Variants in IRS4 observed in about 807,000 individuals in gnomAD.
IRS4 encodes 160 kDa phosphotyrosine protein.
A neutral mutation model predicts 48.6 loss-of-function variants in IRS4; 15 were observed. The observed-to-expected ratio is 0.31, with a 90% CI of 0.21 to 0.48. The LOEUF is 0.48. IRS4 is among the 20% of genes least tolerant of loss of function. The probability of loss-of-function intolerance (pLI) is 0.99; values close to 1 mark genes in which losing one functional copy is unlikely to be tolerated. For synonymous variants in IRS4, 459 were observed against 413.2 expected (o/e 1.11, Z -1.34); for missense variants, 987 against 1,023.4 (o/e 0.96, Z 0.49).
chrX:108,733,353 G>A lies in IRS4; in HGVS notation c.2992C>T (p.Pro998Ser), dbSNP rs771069464. Residue 998 changes from proline to serine, a missense_variant, in exon 1 of 2, where the codon CCT becomes TCT. Pro to Ser is a moderately conservative substitution (Grantham distance 74). Around this residue, in one of 4 missense-constraint regions of IRS4, gnomAD observed 720 missense variants for 660.3 expected, o/e 1.09. Transcript: ENST00000372129. ...CCTGTAGCACTGAGGGGAAGGGGAG[G>A]AAGTGGCCACCTAGCACTGTCCAGA... Reference protein sequence around the residue: ...LSLDSARWPLPPLPLSATGSN... With the variant: ...LSLDSARWPLSPLPLSATGSN... The A allele has an allele frequency of 1.2e-5, 15 of 1,211,942 alleles. No individual in the cohort carries two copies. In the Admixed American group the frequency reaches 3.3e-4, roughly 26 times the overall value.
In IRS4 at chrX:108,736,522, G is replaced by T; in HGVS notation, c.-178C>A. On this transcript the variant is annotated 5_prime_UTR_variant, in exon 1 of 2. In the 5' UTR this introduces an upstream ATG that the reference lacks. Coordinates refer to ENST00000372129, the MANE Select transcript of IRS4 (RefSeq NM_001379150.1). ...GCGGGCAAAACAACACGTGACCACA[G>T]CCTCACGCGGCGGCCGCTGCGGATC... 1.3e-6 allele frequency: 1 copy of T among 775,853 alleles called. No individual in the cohort carries two copies. The highest frequency in any genetic ancestry group is 1.8e-6 in the Non-Finnish European group (1 of 543,704). The allele number at this position is 775,853 out of a possible 1,213,427, so 63.9% of individuals were successfully genotyped here.
rs2068947526 is a variant in IRS4 at position 108,735,851 on chromosome X, C to T, written c.494G>A (p.Arg165Gln). 8.3e-7 allele frequency: 1 copy of T among 1,209,078 alleles called. No individual in the cohort carries two copies. The highest frequency in any genetic ancestry group is 1.7e-5 in the African/African-American group (1 of 57,361). Residue 165 changes from arginine (R) to glutamine (Q), a missense_variant, in exon 1 of 2, where the codon CGA becomes CAA. By Grantham distance (43) the Arg-to-Gln change is conservative (BLOSUM62 1). Coordinates refer to ENST00000372129, the MANE Select transcript of IRS4 (RefSeq NM_001379150.1). ...TTGGGTGAAAAGAGCAATGAGGTGT[C>T]GGTACCTTGCATCTGCTCGCTGGCT... is the stretch of plus-strand genomic sequence containing the variant. ...SVSQRADARYRHLIALFTQDE... is the reference protein window; with the variant it reads ...SVSQRADARYQHLIALFTQDE...
chrX:108,734,575 C>T lies in IRS4; in HGVS notation c.1770G>A (p.Gly590=), dbSNP rs752272461. The change falls in exon 1 of 2, where the codon GGG becomes GGA. Residue 590 remains glycine (G), a synonymous_variant. Coordinates refer to ENST00000372129, the MANE Select transcript of IRS4 (RefSeq NM_001379150.1). ...CTTTCCCACTTCCTGAGCCTTTGCC[C>T]CCCCCAGAGTTCTTGCCACCACCTG... ...HGSGGGKNSG[G]GKGSGSGKGS... The T allele has an allele frequency of 1.5e-5, 18 of 1,211,743 alleles. No homozygotes were observed. The South Asian group carries it at 1.6e-4, about 11-fold the overall frequency.
In IRS4 at chrX:108,733,380, A is replaced by G; in HGVS notation, c.2965T>C (p.Ser989Pro). The G allele has an allele frequency of 8.3e-7, 1 of 1,211,813 alleles. No homozygotes were observed. The highest frequency in any genetic ancestry group is 1.1e-6 in the Non-Finnish European group (1 of 895,569). The change falls in exon 1 of 2, where the codon TCT (serine) becomes CCT (proline). Residue 989 changes from serine to proline, a missense_variant. By Grantham distance (74) the Ser-to-Pro change is moderately conservative. Transcript: ENST00000372129. Reference protein sequence around the residue: ...LRAIPRANPLSLDSARWPLPP... With the variant: ...LRAIPRANPLPLDSARWPLPP... ...AGTGGCCACCTAGCACTGTCCAGAG[A>G]TAAGGGGTTGGCACGTGGTATAGCT... is the stretch of plus-strand genomic sequence containing the variant.
rs2068858319 is a variant in IRS4, at chrX:108,722,181, T to A, written c.*338A>T. On this transcript the variant is annotated 3_prime_UTR_variant, in exon 2 of 2. Transcript: ENST00000372129. ...AAATTTATATGTATTCTAAGTTACTTTTTTTTAAAGAGGGAAAGAGTTATG... is the reference window on the plus strand; with the variant it reads ...AAATTTATATGTATTCTAAGTTACTATTTTTTAAAGAGGGAAAGAGTTATG... 1 of 112,470 alleles carries A rather than the reference T, an allele frequency of 8.9e-6. No homozygotes were observed. The highest frequency in any genetic ancestry group is 1.9e-5 in the Non-Finnish European group (1 of 53,453). The allele number at this position is 112,470 out of a possible 1,213,427, so 9.3% of individuals were successfully genotyped here. A position where few individuals can be genotyped will look rare whatever the true frequency, so the allele number is the denominator to read the frequency against.
At chrX:108,731,060 T>A (rs920434518) in intron 1 of IRS4, among the ~76,000 whole-genome samples, 4 of 111,144 alleles carry the variant, frequency 3.6e-5, no homozygotes, top group African/African-American at 1.3e-4. Flanking sequence ...TATGTGTGTG[T>A]GTTGGGGAGG....
intron 1 of IRS4, chrX:108,726,843 G>A (rs369634420): frequency 8.9e-6 from 1 of 112,341 alleles, no homozygotes; most frequent in East Asian, 2.8e-4. Flanking sequence ...CGGCCCAGCT[G>A]CTTCTGTGCC....
Position 108,722,129 on chromosome X carries a change from T to C in IRS4, c.*390A>G, listed in dbSNP as rs1321265559. ...CAACTTCAAAATTGAATCTAAATAT[T>C]TTACATTATTAAAATTGGCATTGAC... is the stretch of plus-strand genomic sequence containing the variant. On this transcript the variant is annotated 3_prime_UTR_variant, in exon 2 of 2. Coordinates refer to ENST00000372129, the MANE Select transcript of IRS4 (RefSeq NM_001379150.1). 1 of 112,390 alleles carries C rather than the reference T, an allele frequency of 8.9e-6. No homozygotes were observed. 9.3% of individuals were successfully genotyped at this position (112,390 alleles called of 1,213,427 possible). A position where few individuals can be genotyped will look rare whatever the true frequency, so the allele number is the denominator to read the frequency against.
At position 108,733,905 on chromosome X, in the gene IRS4, G is replaced by T. The variant is rs1367359417; in HGVS notation, c.2440C>A (p.Pro814Thr). Residue 814 changes from proline to threonine, a missense_variant, in exon 1 of 2, where the codon CCT becomes ACT. By Grantham distance (38) the Pro-to-Thr change is conservative. Coordinates refer to ENST00000372129, the MANE Select transcript of IRS4 (RefSeq NM_001379150.1). ...TGTCCCAAAGGTGAGCTCCGAAAAG[G>T]GTTTGGTAGAGAGAAGTAGGAGCTC... is the stretch of plus-strand genomic sequence containing the variant. ...SWSSYFSLPN[P>T]FRSSPLGQND... 8.3e-7 allele frequency: 1 copy of T among 1,211,719 alleles called. No homozygotes were observed. The highest frequency in any genetic ancestry group is 1.8e-5 in the South Asian group (1 of 57,001).
Position 108,735,915 on chromosome X carries a change from G to A in IRS4, c.430C>T (p.Pro144Ser). The A allele has an allele frequency of 8.3e-7, 1 of 1,209,879 alleles. No homozygotes were observed. The highest frequency in any genetic ancestry group is 1.1e-6 in the Non-Finnish European group (1 of 894,616). The change falls in exon 1 of 2, where the codon CCG (proline) becomes TCG (serine). Residue 144 changes from proline to serine, a missense_variant. Around this residue, in one of 4 missense-constraint regions of IRS4, gnomAD observed 173 missense variants for 208.9 expected, o/e 0.83. Coordinates refer to ENST00000372129, the MANE Select transcript of IRS4 (RefSeq NM_001379150.1). Reference sequence around the variant, plus strand: ...TGGTATAGGGTGATCACGCGCCGCGGTGGAATGAGCGGGGGGATCGCGGCG... The same window carrying A: ...TGGTATAGGGTGATCACGCGCCGCGATGGAATGAGCGGGGGGATCGCGGCG... Reference protein sequence around the residue: ...SGAAIPPLIPPRRVITLYQCF... With the variant: ...SGAAIPPLIPSRRVITLYQCF...
rs1263406207 is a variant in IRS4 at position 108,733,952 on chromosome X, C to T, written c.2393G>A (p.Gly798Asp). Residue 798 changes from glycine (G) to aspartate (D), a missense_variant, in exon 1 of 2, where the codon GGT becomes GAT. Physicochemically the swap from Gly to Asp is moderately conservative, Grantham distance 94. Around this residue, in one of 4 missense-constraint regions of IRS4, gnomAD observed 720 missense variants for 660.3 expected, o/e 1.09. Transcript: ENST00000372129. ...GCTCCAACTTTTGGAGGAAGAGCCA[C>T]CCTGAGGATTTCTGGGGTTTTTTGG... ...AIPKNPRNPQGGSSSKSWSSY... is the reference protein window; with the variant it reads ...AIPKNPRNPQDGSSSKSWSSY... 1.7e-6 allele frequency: 2 copies of T among 1,211,739 alleles called. No homozygotes were observed. Among genetic ancestry groups the T allele is most frequent in the Admixed American group, 4.3e-5 (2 of 46,068 alleles).
At position 108,734,297 on chromosome X, in the gene IRS4, G is replaced by T; in HGVS notation, c.2048C>A (p.Ala683Asp). ...VKDAEIPEGAARGPHRARAFD... is the reference protein window; with the variant it reads ...VKDAEIPEGADRGPHRARAFD... ...AGCTCTGGCTCTGTGGGGACCTCGA[G>T]CTGCACCTTCTGGGATCTCTGCATC... The change falls in exon 1 of 2, where the codon GCT becomes GAT. Residue 683 changes from alanine (A) to aspartate (D), a missense_variant. This residue lies in a region of IRS4 where 720 missense variants were observed against 660.3 expected (regional missense o/e 1.09). Coordinates refer to ENST00000372129, the MANE Select transcript of IRS4 (RefSeq NM_001379150.1). 1.7e-6 allele frequency: 2 copies of T among 1,211,196 alleles called. No homozygotes were observed. Among genetic ancestry groups the T allele is most frequent in the Non-Finnish European group, 1.1e-6 (1 of 895,391 alleles).
Position 108,732,626 on chromosome X carries a change from C to T in IRS4, c.3719G>A (p.Arg1240Lys). Residue 1240 changes from arginine to lysine, a missense_variant, in exon 1 of 2, where the codon AGA becomes AAA. Arg to Lys is a conservative substitution (Grantham distance 26). Coordinates refer to ENST00000372129, the MANE Select transcript of IRS4 (RefSeq NM_001379150.1). ...DSDNDDDTHVRMDFARRDNQF... is the reference protein window; with the variant it reads ...DSDNDDDTHVKMDFARRDNQF... ...ATTATCACGTCTGGCAAAATCCATT[C>T]TCACGTGAGTGTCGTCGTCGTTGTC... 8.3e-7 allele frequency: 1 copy of T among 1,211,869 alleles called. No homozygotes were observed. The highest frequency in any genetic ancestry group is 1.1e-6 in the Non-Finnish European group (1 of 895,552).
Position 108,735,970 on chromosome X carries a change from C to G in IRS4, c.375G>C (p.Ala125=), listed in dbSNP as rs1393800599. 2.5e-6 allele frequency: 3 copies of G among 1,205,527 alleles called. No homozygotes were observed. The highest frequency in any genetic ancestry group is 3.4e-6 in the Non-Finnish European group (3 of 893,311). ...ARKFRHSVRA[A]AAAAAAAASG... The stretch of plus-strand genomic sequence containing the variant: ...AGGCGGCCGCCGCTGCTGCAGCCGC[C>G]GCGGCGCGGACACTGTGCCGGAACT... The change falls in exon 1 of 2, where the codon GCG becomes GCC. Residue 125 remains alanine (A), a synonymous_variant. Coordinates refer to ENST00000372129, the MANE Select transcript of IRS4 (RefSeq NM_001379150.1).
chrX:108,733,710 G>A lies in IRS4; in HGVS notation c.2635C>T (p.His879Tyr), dbSNP rs1801164. ...DGGSPSKPSD[H>Y]EPPKNKAKRP... ...TTAGCTTTATTCTTTGGGGGCTCAT[G>A]ATCTGAAGGCTTTGAAGGTGATCCC... The change falls in exon 1 of 2, where the codon CAT (histidine) becomes TAT (tyrosine). Residue 879 changes from histidine to tyrosine, a missense_variant. By Grantham distance (83) the His-to-Tyr change is moderately conservative. Coordinates refer to ENST00000372129, the MANE Select transcript of IRS4 (RefSeq NM_001379150.1). 5.2e-5 allele frequency: 63 copies of A among 1,208,762 alleles called. No homozygotes were observed. Among genetic ancestry groups the A allele is most frequent in the Non-Finnish European group, 6.5e-5 (58 of 895,028 alleles).
In IRS4 at chrX:108,721,504, T is replaced by G. The variant is rs748969795; in HGVS notation, c.*1015A>C. ...CTTAAGTTTTTGTCAGAATATTGAT[T>G]GATAAGTAAACACTAATTTCTTGAA... On this transcript the variant is annotated 3_prime_UTR_variant, in exon 2 of 2. Transcript: ENST00000372129. 1 of 111,070 alleles carries G rather than the reference T, an allele frequency of 9.0e-6. No homozygotes were observed. Among genetic ancestry groups the G allele is most frequent in the Non-Finnish European group, 1.9e-5 (1 of 53,047 alleles). The allele number at this position is 111,070 out of a possible 1,213,427, so 9.2% of individuals were successfully genotyped here.
At chrX:108,727,765 A>G (rs896932200) in intron 1 of IRS4, among the ~76,000 whole-genome samples, 5 of 112,434 alleles carry the variant, frequency 4.4e-5, no homozygotes, top group African/African-American at 1.6e-4. Context: ...ATCAAAATGA[A>G]CTTAATTGTA....
rs138838170 is a variant in IRS4 at position 108,736,171 on chromosome X, C to T, written c.174G>A (p.Thr58=). The T allele has an allele frequency of 1.8e-4, 222 of 1,208,034 alleles. No individual in the cohort carries two copies. In the African/African-American group the frequency reaches 2.7e-3, roughly 15 times the overall value. ...SSCPGAMWLS[T]ATGSRSDSES... is the part of the protein sequence containing the mutation. ...CGGAGTCTGACCGGGAGCCAGTGGC[C>T]GTGGAGAGCCACATGGCTCCCGGAC... The change falls in exon 1 of 2, where the codon ACG becomes ACA. Residue 58 remains threonine, a synonymous_variant. Coordinates refer to ENST00000372129, the MANE Select transcript of IRS4 (RefSeq NM_001379150.1).
chrX:108,728,981 G>T (rs1284869151), intron 1 of IRS4, among the ~76,000 whole-genome samples: 1 of 111,887 alleles, frequency 8.9e-6, no homozygotes, highest in East Asian at 2.8e-4. Context: ...TAATGATTGT[G>T]AACAACTTTA....
Sources: allele counts gnomAD v4.1 joint callset (sites outside exome capture counted in the v4.1 genomes callset), GRCh38; gene constraint gnomAD v4.1.1; regional missense constraint gnomAD v4.1.1; transcripts MANE v1.5; gene names NCBI Gene and HGNC (gene_info 2026-07-23, HGNC 2026-07-21).